MYO1D: variants seen among roughly 807,000 people sequenced by gnomAD.
The protein encoded by MYO1D is unconventional myosin-Id.
MYO1D carries 83 observed loss-of-function variants against 122.0 expected under a neutral mutation model. The ratio of observed to expected loss-of-function variants is 0.68; its 90% CI spans 0.57 to 0.82. MYO1D has a LOEUF of 0.82. Ranked by LOEUF, MYO1D falls within the 40% of genes least tolerant of loss-of-function variation. The pLI is 0.00. For synonymous variants in MYO1D, 464 were observed against 446.9 expected (o/e 1.04, Z -0.48); for missense variants, 1,157 against 1,269.5 (o/e 0.91, Z 1.35).
intron 19 of MYO1D, among the ~76,000 whole-genome samples, chr17:32,646,218 C>A (rs1199678746): frequency 6.6e-6 from 1 of 152,118 alleles, no homozygotes; most frequent in Non-Finnish European, 1.5e-5. Context: ...CTATGAAACC[C>A]TTTTTCAGCA....
chr17:32,592,015 A>T (rs1396641623), intron 21 of MYO1D, among the ~76,000 whole-genome samples: 9 of 152,200 alleles, frequency 5.9e-5, no homozygotes, highest in African/African-American at 1.9e-4. Context: ...GTATTTAATC[A>T]TGTTTGTTTT....
chr17:32,840,401 G>C (rs896502607), intron 1 of MYO1D, among the ~76,000 whole-genome samples: 2 of 82,604 alleles, frequency 2.4e-5, no homozygotes, highest in Non-Finnish European at 5.1e-5. Context: ...GCAGAGTACA[G>C]CTTTTTACCT....
At chr17:32,872,377 A>G (rs1358563817) in intron 1 of MYO1D, among the ~76,000 whole-genome samples, 2 of 151,854 alleles carry the variant, frequency 1.3e-5, no homozygotes, top group Non-Finnish European at 2.9e-5. Context: ...GGTTCACGCC[A>G]TTCTCCTGCC....
intron 1 of MYO1D, among the ~76,000 whole-genome samples, chr17:32,799,434 G>T (rs1362029124): frequency 6.6e-6 from 1 of 152,070 alleles, no homozygotes; most frequent in African/African-American, 2.4e-5. Flanking sequence ...AAAAATAGCT[G>T]TCCTCAATCT....
chr17:32,705,228 T>C (rs561943715), intron 16 of MYO1D, among the ~76,000 whole-genome samples: 1 of 152,232 alleles, frequency 6.6e-6, no homozygotes, highest in South Asian at 2.1e-4. Flanking sequence ...GACTGTATAC[T>C]AAGAGGAACA....
chr17:32,721,211 T>C, intron 14 of MYO1D, 22 bp from the exon 15 acceptor site: 2 of 1,608,622 alleles, frequency 1.2e-6, no homozygotes, highest in Non-Finnish European at 8.5e-7. Flanking sequence ...AATCAGCAAA[T>C]GGTAAGTTTC....
At chr17:32,559,940 C>G (rs150922256) in intron 21 of MYO1D, among the ~76,000 whole-genome samples, 97 of 152,270 alleles carry the variant, frequency 6.4e-4, no homozygotes, top group African/African-American at 2.3e-3. Context: ...CAGTAGTTAT[C>G]CTATAGAAAC....
rs1357246747 is a variant in MYO1D, at chr17:32,523,443, A to G, written c.2865-28528T>C. The G allele has an allele frequency of 2.6e-5, 4 of 152,202 alleles. No individual in the cohort carries two copies. The East Asian group carries it at 7.7e-4, about 29-fold the overall frequency. 9.4% of individuals were successfully genotyped at this position (152,202 alleles called of 1,614,324 possible). ...TCAGTGTTCATTCATCGAGTCCATG[A>G]GAGAAAAGGAAAGGGCAGAAGTGCG... On this transcript the variant is annotated intron_variant, in intron 21 of 21. Coordinates refer to ENST00000318217, the MANE Select transcript of MYO1D (RefSeq NM_015194.3).
chr17:32,591,161 G>A (rs2087435271), intron 21 of MYO1D, among the ~76,000 whole-genome samples: 1 of 152,234 alleles, frequency 6.6e-6, no homozygotes. Flanking sequence ...TGGGCACCGT[G>A]CACAGGGAGA....
At chr17:32,808,142 G>A (rs985006905) in intron 1 of MYO1D, among the ~76,000 whole-genome samples, 6 of 152,126 alleles carry the variant, frequency 3.9e-5, no homozygotes, top group Non-Finnish European at 8.8e-5. Flanking sequence ...GGAAGGCCAA[G>A]GTGGGAGGAC....
chr17:32,603,818 C>A (rs186507886), intron 21 of MYO1D, among the ~76,000 whole-genome samples: 1 of 152,156 alleles, frequency 6.6e-6, no homozygotes, highest in African/African-American at 2.4e-5. Flanking sequence ...AGCCACTGCG[C>A]CTGGCCACAT....
intron 1 of MYO1D, among the ~76,000 whole-genome samples, chr17:32,800,803 G>A (rs1429575655): frequency 2.0e-5 from 3 of 152,040 alleles, no homozygotes; most frequent in Non-Finnish European, 4.4e-5. Context: ...AAACTCCTGG[G>A]CTTGAGCAAT....
At chr17:32,589,652 G>A (rs1015650934) in intron 21 of MYO1D, among the ~76,000 whole-genome samples, 5 of 152,168 alleles carry the variant, frequency 3.3e-5, no homozygotes, top group Admixed American at 3.3e-4. Context: ...ACTGTCCCTT[G>A]AGAATCTTCT....
chr17:32,561,132 G>A (rs1019431333), intron 21 of MYO1D, among the ~76,000 whole-genome samples: 1 of 151,480 alleles, frequency 6.6e-6, no homozygotes, highest in Non-Finnish European at 1.5e-5. Flanking sequence ...GGCTAGTCTC[G>A]AACTCCTGAC....
chr17:32,694,511 C>A (rs1188332298), intron 16 of MYO1D, among the ~76,000 whole-genome samples: 1 of 151,922 alleles, frequency 6.6e-6, no homozygotes, highest in Non-Finnish European at 1.5e-5. Context: ...ACCATCCTGG[C>A]TAACAAGGTG....
At chr17:32,554,231 G>T (rs192859529) in intron 21 of MYO1D, among the ~76,000 whole-genome samples, 165 of 149,732 alleles carry the variant, frequency 1.1e-3, no homozygotes, top group African/African-American at 3.8e-3. Context: ...ACCTGAGGTT[G>T]AGAATCACTG....
At chr17:32,524,424 G>A (rs1482814464) in intron 21 of MYO1D, among the ~76,000 whole-genome samples, 3 of 151,942 alleles carry the variant, frequency 2.0e-5, no homozygotes, top group Non-Finnish European at 4.4e-5. Context: ...ACAGGGTCAC[G>A]CTCTGTCACC....
chr17:32,700,914 A>C lies in MYO1D; in HGVS notation c.2121+11074T>G, dbSNP rs551899652. 1.1e-4 allele frequency among the ~76,000 whole-genome samples: 16 copies of C among 149,702 alleles called. No individual in the cohort carries two copies. In the South Asian group the frequency reaches 2.4e-3, roughly 22 times the overall value. ...AGCTGAGATCACGCCATTGTACTCC[A>C]GCTTGGATGACAGAGTAAGACTCCA... On this transcript the variant is annotated intron_variant, in intron 16 of 21. Transcript: ENST00000318217.
intron 20 of MYO1D, among the ~76,000 whole-genome samples, chr17:32,608,286 T>C (rs1173717145): frequency 6.6e-6 from 1 of 152,214 alleles, no homozygotes; most frequent in Non-Finnish European, 1.5e-5. Context: ...TAAAACTTGA[T>C]AGTAAACAAC....
Sources: allele counts gnomAD v4.1 joint callset (sites outside exome capture counted in the v4.1 genomes callset), GRCh38; gene constraint gnomAD v4.1.1; transcripts MANE v1.5; gene names NCBI Gene and HGNC (gene_info 2026-07-23, HGNC 2026-07-21).